The following TRPM3 variants were observed in gnomAD, a reference collection of about 807,000 sequenced individuals.
The protein encoded by TRPM3 is transient receptor potential cation channel subfamily M member 3.
TRPM3 carries 77 observed loss-of-function variants against 181.2 expected under a neutral mutation model. The observed-to-expected ratio is 0.42, with a 90% CI of 0.35 to 0.51. The LOEUF is 0.51. Among genes scored for constraint, TRPM3 ranks in the 20% least tolerant of loss-of-function variants. TRPM3 has a pLI of 0.01. For missense variants in TRPM3, 1,759 were observed against 2,196.7 expected (o/e 0.80, Z 3.98); for synonymous variants, 745 against 796.4 (o/e 0.94, Z 1.09).
intron 1 of TRPM3, among the ~76,000 whole-genome samples, chr9:71,269,875 C>A (rs2083660724): frequency 6.6e-6 from 1 of 152,150 alleles, no homozygotes; most frequent in African/African-American, 2.4e-5. Context: ...ATTGAAATCC[C>A]TGGATCACTT....
At chr9:70,897,503 A>C (rs1210389753) in intron 1 of TRPM3, among the ~76,000 whole-genome samples, 2 of 152,016 alleles carry the variant, frequency 1.3e-5, no homozygotes, top group African/African-American at 4.8e-5. Context: ...ATTAGATCTC[A>C]ATTTTCAATT....
intron 1 of TRPM3, among the ~76,000 whole-genome samples, chr9:70,990,427 A>C (rs17591873): frequency 5.3e-5 from 8 of 152,186 alleles, no homozygotes; most frequent in Non-Finnish European, 1.5e-5. Flanking sequence ...ACGGTAAAAC[A>C]AACAGTACAG....
At chr9:70,607,993 G>GGTCT in intron 19 of TRPM3, among the ~76,000 whole-genome samples, 3 of 152,214 alleles carry the variant, frequency 2.0e-5, no homozygotes, top group Non-Finnish European at 2.9e-5. Context: ...TCTGTACATT[G>GGTCT]TGAACTATAA....
At chr9:70,905,380 T>C (rs1369762260) in intron 1 of TRPM3, among the ~76,000 whole-genome samples, 1 of 152,194 alleles carries the variant, frequency 6.6e-6, no homozygotes, top group East Asian at 1.9e-4. Flanking sequence ...GAAAAGTCTC[T>C]CTCTTCTTTG....
intron 8 of TRPM3, among the ~76,000 whole-genome samples, chr9:70,694,275 G>GT (rs2069505094): frequency 6.6e-6 from 1 of 151,976 alleles, no homozygotes; most frequent in East Asian, 1.9e-4. Context: ...CTAAACCTTG[G>GT]TTTTACCATC....
At chr9:71,368,043 C>A (rs930384620) in intron 1 of TRPM3, among the ~76,000 whole-genome samples, 1 of 151,624 alleles carries the variant, frequency 6.6e-6, no homozygotes, top group Non-Finnish European at 1.5e-5. Flanking sequence ...AGTATGTGTA[C>A]ACACACACAC....
In TRPM3 at chr9:71,121,549, C is replaced by A; in HGVS notation, c.-195G>T. On this transcript the variant is annotated 5_prime_UTR_variant, in exon 1 of 26. Transcript: ENST00000677713. ...TGCCTGCTGCTTCGGGGAGGGGATG[C>A]ACGATTTTGAAGAAGAGGGACAGCC... The A allele has an allele frequency of 7.2e-7, 1 of 1,384,258 alleles. No individual in the cohort carries two copies. Among genetic ancestry groups the A allele is most frequent in the Non-Finnish European group, 9.3e-7 (1 of 1,071,896 alleles). 85.7% of individuals were successfully genotyped at this position (1,384,258 alleles called of 1,614,324 possible).
chr9:70,805,683 C>T (rs2131316826), intron 6 of TRPM3, among the ~76,000 whole-genome samples: 1 of 151,926 alleles, frequency 6.6e-6, no homozygotes, highest in Admixed American at 6.6e-5. Context: ...AATTCATACA[C>T]CCTATAAGAG....
chr9:71,093,454 A>G lies in TRPM3; in HGVS notation c.177+27724T>C, dbSNP rs1259630647. On this transcript the variant is annotated intron_variant, in intron 1 of 25. Coordinates refer to ENST00000677713, the MANE Select transcript of TRPM3 (RefSeq NM_001366145.2). ...ATGAACAGACACTTCTCAAAAGAAG[A>G]TATTTATGCAGCCAACAGACATATA... Among the ~76,000 whole-genome samples the G allele has an allele frequency of 6.0e-5, 9 of 150,954 alleles. No homozygotes were observed. The South Asian group carries it at 1.3e-3, about 21-fold the overall frequency.
chr9:71,159,187 G>T (rs1200108278), intron 1 of TRPM3, among the ~76,000 whole-genome samples: 1 of 151,928 alleles, frequency 6.6e-6, no homozygotes, highest in Non-Finnish European at 1.5e-5. Context: ...GTGTGTGTGG[G>T]TATGTATGTG....
rs188505006 is a variant in TRPM3 at position 70,867,183 on chromosome 9, G to A, written c.178-2672C>T. ...CTATGTCTTCTTCTTTTCTCCTTGCGGTAAAGGATGAAGGTAGGACATTAG... is the reference window on the plus strand; with the variant it reads ...CTATGTCTTCTTCTTTTCTCCTTGCAGTAAAGGATGAAGGTAGGACATTAG... On this transcript the variant is annotated intron_variant, in intron 1 of 25. Transcript: ENST00000677713. Among the ~76,000 whole-genome samples the A allele has an allele frequency of 4.6e-5, 7 of 152,024 alleles. No homozygotes were observed. The South Asian group carries it at 6.2e-4, about 14-fold the overall frequency.
chr9:71,230,557 T>C (rs1234607164), intron 1 of TRPM3, among the ~76,000 whole-genome samples: 2 of 152,178 alleles, frequency 1.3e-5, no homozygotes, highest in Non-Finnish European at 2.9e-5. Context: ...TATGCCTGTA[T>C]TGAATATCCC....
intron 1 of TRPM3, among the ~76,000 whole-genome samples, chr9:71,080,762 T>A (rs1195007655): frequency 6.6e-6 from 1 of 152,154 alleles, no homozygotes; most frequent in Non-Finnish European, 1.5e-5. Context: ...AAAAACACCA[T>A]GACAGGTTGA....
chr9:71,391,941 A>T (rs1270985854), intron 1 of TRPM3, among the ~76,000 whole-genome samples: 1 of 152,138 alleles, frequency 6.6e-6, no homozygotes, highest in Non-Finnish European at 1.5e-5. Context: ...ATAAAACAGT[A>T]TGATCAGAAG....
intron 1 of TRPM3, among the ~76,000 whole-genome samples, chr9:70,963,951 A>C (rs1037413253): frequency 6.6e-6 from 1 of 152,134 alleles, no homozygotes; most frequent in African/African-American, 2.4e-5. Flanking sequence ...TTTCTCTTAC[A>C]AAATGTGTTT....
chr9:70,934,051 T>G (rs2133448795), intron 1 of TRPM3, among the ~76,000 whole-genome samples: 1 of 152,318 alleles, frequency 6.6e-6, no homozygotes, highest in South Asian at 2.1e-4. Flanking sequence ...TCTCTTCATG[T>G]GCACCAACCA....
chr9:71,242,655 A>G (rs910044429), intron 1 of TRPM3, among the ~76,000 whole-genome samples: 5 of 152,094 alleles, frequency 3.3e-5, no homozygotes, highest in African/African-American at 9.7e-5. Context: ...CATTACTACC[A>G]CCATTACTAT....
intron 6 of TRPM3, among the ~76,000 whole-genome samples, chr9:70,807,989 C>T (rs1006787960): frequency 2.0e-5 from 3 of 152,070 alleles, no homozygotes; most frequent in South Asian, 2.1e-4. Context: ...AGAGACAAAA[C>T]CACATCCAGT....
chr9:71,207,936 G>A lies in TRPM3; in HGVS notation c.183+238717C>T, dbSNP rs564369340. ...TGCTGAGCTATTCTTTGATGAGAGT[G>A]GTTTCCTTGTCCCCCAAATCCTTCT... On this transcript the variant is annotated intron_variant, in intron 1 of 24. Coordinates refer to the TRPM3 transcript ENST00000357533. Among the ~76,000 whole-genome samples, 3 of 152,170 alleles carry A rather than the reference G, an allele frequency of 2.0e-5. No homozygotes were observed. In the South Asian group the frequency reaches 6.2e-4, roughly 32 times the overall value.
Sources: allele counts gnomAD v4.1 joint callset (sites outside exome capture counted in the v4.1 genomes callset), GRCh38; gene constraint gnomAD v4.1.1; transcripts MANE v1.5; gene names NCBI Gene and HGNC (gene_info 2026-07-23, HGNC 2026-07-21).